Variants in EYS observed in about 807,000 individuals in gnomAD.
The protein encoded by EYS is protein eyes shut homolog.
A neutral mutation model predicts 282.1 loss-of-function variants in EYS; 250 were observed. The observed-to-expected ratio is 0.89, with a 90% CI of 0.80 to 0.98. The LOEUF is 0.98. EYS is among the 50% of genes least tolerant of loss of function. The pLI, the probability that EYS is intolerant of heterozygous loss-of-function variation, is 0.00. For missense variants in EYS, 4,016 were observed against 3,709.0 expected (o/e 1.08, Z -2.15); for synonymous variants, 1,355 against 1,282.9 (o/e 1.06, Z -1.20).
intron 7 of EYS, among the ~76,000 whole-genome samples, chr6:65,398,698 A>G (rs1766381403): frequency 1.3e-5 from 2 of 152,086 alleles, no homozygotes; most frequent in South Asian, 4.1e-4. Context: ...CTGGCTTCCA[A>G]ATTTATATAT....
chr6:65,391,968 C>T (rs1766054382), intron 7 of EYS, among the ~76,000 whole-genome samples: 1 of 151,880 alleles, frequency 6.6e-6, no homozygotes, highest in African/African-American at 2.4e-5. Flanking sequence ...GGTACCAAAA[C>T]AGAGATATAG....
At chr6:63,824,818 G>C (rs926008758) in intron 36 of EYS, among the ~76,000 whole-genome samples, 1 of 152,074 alleles carries the variant, frequency 6.6e-6, no homozygotes, top group East Asian at 1.9e-4. Flanking sequence ...CAGGAGGGTG[G>C]CCAGAGGAAC....
intron 8 of EYS, among the ~76,000 whole-genome samples, chr6:65,375,863 G>A (rs916088655): frequency 2.6e-5 from 4 of 152,026 alleles, no homozygotes; most frequent in African/African-American, 9.7e-5. Flanking sequence ...AAGCCTCAAA[G>A]AAATATGGGA....
intron 15 of EYS, among the ~76,000 whole-genome samples, chr6:64,919,835 T>C (rs77199388): frequency 0.016 from 2,451 of 152,228 alleles, 73 homozygotes; most frequent in African/African-American, 0.055. Flanking sequence ...TCAAGGCTTT[T>C]TCAAGATTCA....
chr6:63,951,066 G>T (rs1765573772), intron 35 of EYS, among the ~76,000 whole-genome samples: 2 of 151,886 alleles, frequency 1.3e-5, no homozygotes, highest in Admixed American at 6.6e-5. Flanking sequence ...TTCCTAGGGG[G>T]CAAGCACCCC....
At position 64,006,702 on chromosome 6, in the gene EYS, T is replaced by C. The variant is rs1341517082; in HGVS notation, c.6726-7519A>G. Among the ~76,000 whole-genome samples the C allele has an allele frequency of 3.3e-5, 5 of 152,204 alleles. No individual in the cohort carries two copies. In the South Asian group the frequency reaches 1.0e-3, roughly 31 times the overall value. ...CCTAGTTTATTGAGGGTTTTTGACA[T>C]GAAATGATGTTGAATTTTATCGAAA... On this transcript the variant is annotated intron_variant, in intron 33 of 42. Transcript: ENST00000503581.
intron 26 of EYS, among the ~76,000 whole-genome samples, chr6:64,575,439 A>T (rs1179122224): frequency 1.3e-5 from 2 of 152,186 alleles, no homozygotes; most frequent in Non-Finnish European, 2.9e-5. Flanking sequence ...CAGGATGAGG[A>T]GTAAGGCTCT....
At chr6:64,552,933 C>G (rs1236049406) in intron 26 of EYS, among the ~76,000 whole-genome samples, 1 of 144,124 alleles carries the variant, frequency 6.9e-6, no homozygotes, top group African/African-American at 2.5e-5. Context: ...GCCCCCTCCC[C>G]CCCAAAAAAA....
intron 33 of EYS, among the ~76,000 whole-genome samples, chr6:64,040,058 T>C (rs1192373050): frequency 6.6e-6 from 1 of 152,188 alleles, no homozygotes; most frequent in Non-Finnish European, 1.5e-5. Flanking sequence ...CAAAGTTAAT[T>C]TTTCTTAATT....
chr6:63,722,849 A>G (rs1181330449), intron 42 of EYS, among the ~76,000 whole-genome samples: 1 of 152,204 alleles, frequency 6.6e-6, no homozygotes, highest in Non-Finnish European at 1.5e-5. Flanking sequence ...TGGCAGCTCT[A>G]TAGTTCTTCA....
chr6:64,339,959 G>A (rs1360764250), intron 29 of EYS, among the ~76,000 whole-genome samples: 9 of 151,526 alleles, frequency 5.9e-5, no homozygotes, highest in Non-Finnish European at 1.3e-4. Context: ...AATACTTCTC[G>A]GGTTGTAGGT....
intron 22 of EYS, among the ~76,000 whole-genome samples, chr6:64,761,002 A>G (rs1483444810): frequency 1.3e-5 from 2 of 152,230 alleles, no homozygotes; most frequent in African/African-American, 4.8e-5. Context: ...TACTAAAAAA[A>G]TTGCTTTAAA....
chr6:64,915,885 T>A (rs1244661006), intron 15 of EYS, among the ~76,000 whole-genome samples: 1 of 152,172 alleles, frequency 6.6e-6, no homozygotes, highest in Non-Finnish European at 1.5e-5. Flanking sequence ...GAACTTAGAA[T>A]CCAGATCTCC....
At chr6:65,011,753 G>A (rs946666791) in intron 13 of EYS, among the ~76,000 whole-genome samples, 2 of 152,134 alleles carry the variant, frequency 1.3e-5, no homozygotes, top group Non-Finnish European at 2.9e-5. Flanking sequence ...ATTCACACAC[G>A]ACCAATCAGA....
At chr6:65,614,736 T>C (rs539645618) in intron 2 of EYS, among the ~76,000 whole-genome samples, 1 of 152,164 alleles carries the variant, frequency 6.6e-6, no homozygotes, top group African/African-American at 2.4e-5. Flanking sequence ...TTTTTATTTG[T>C]CATTATTCTT....
At chr6:65,042,018 A>G (rs1772952263) in intron 13 of EYS, among the ~76,000 whole-genome samples, 1 of 151,672 alleles carries the variant, frequency 6.6e-6, no homozygotes, top group Admixed American at 6.6e-5. Flanking sequence ...AGACTTAACA[A>G]ATAAAAACCT....
intron 30 of EYS, among the ~76,000 whole-genome samples, chr6:64,236,262 C>T (rs538777347): frequency 3.9e-5 from 6 of 152,140 alleles, no homozygotes; most frequent in Non-Finnish European, 8.8e-5. Context: ...CGTGAGCAAC[C>T]GTACCTGGCC....
intron 11 of EYS, among the ~76,000 whole-genome samples, chr6:65,334,196 T>C (rs1769896466): frequency 1.3e-5 from 2 of 151,876 alleles, no homozygotes; most frequent in African/African-American, 4.8e-5. Flanking sequence ...TGTATTTTTT[T>C]CATTGTAATT....
intron 7 of EYS, among the ~76,000 whole-genome samples, chr6:65,388,908 A>G (rs1446567288): frequency 6.6e-6 from 1 of 152,024 alleles, no homozygotes; most frequent in Non-Finnish European, 1.5e-5. Context: ...GAGCCAATAT[A>G]TTTGTTCTTT....
Sources: allele counts gnomAD v4.1 joint callset (sites outside exome capture counted in the v4.1 genomes callset), GRCh38; gene constraint gnomAD v4.1.1; transcripts MANE v1.5; gene names NCBI Gene and HGNC (gene_info 2026-07-23, HGNC 2026-07-21).